The following CSMD1 variants were observed in gnomAD, a reference collection of about 807,000 sequenced individuals.
The protein encoded by CSMD1 is CUB and Sushi multiple domains 1.
CSMD1 carries 213 observed loss-of-function variants against 417.5 expected under a neutral mutation model. The observed-to-expected ratio is 0.51, with a 90% CI of 0.46 to 0.57. The LOEUF (loss-of-function observed/expected upper bound fraction) is 0.57. Ranked by LOEUF, CSMD1 falls within the 20% of genes least tolerant of loss-of-function variation. The probability of loss-of-function intolerance (pLI) is 0.00; values close to 1 mark genes in which losing one functional copy is unlikely to be tolerated. For missense variants in CSMD1, 6,923 were observed against 4,529.7 expected (o/e 1.53, Z -15.17); for synonymous variants, 2,862 against 1,736.8 (o/e 1.65, Z -16.11).
intron 3 of CSMD1, among the ~76,000 whole-genome samples, chr8:4,324,061 C>G (rs1253558999): frequency 6.6e-6 from 1 of 152,128 alleles, no homozygotes; most frequent in Non-Finnish European, 1.5e-5. Context: ...CAAATTTACC[C>G]GAGGCCAAGC....
At chr8:3,834,584 T>C (rs956992308) in intron 5 of CSMD1, among the ~76,000 whole-genome samples, 4 of 152,214 alleles carry the variant, frequency 2.6e-5, no homozygotes, top group Non-Finnish European at 1.5e-5. Flanking sequence ...ATTACAAATA[T>C]ATAAATGTAA....
intron 1 of CSMD1, among the ~76,000 whole-genome samples, chr8:4,881,491 G>T (rs527676252): frequency 6.8e-6 from 1 of 146,654 alleles, no homozygotes; most frequent in Admixed American, 6.8e-5. Context: ...ATAAACCCTT[G>T]CCTATAGAAT....
intron 5 of CSMD1, among the ~76,000 whole-genome samples, chr8:3,976,184 T>G (rs1813424579): frequency 6.6e-6 from 1 of 152,128 alleles, no homozygotes; most frequent in African/African-American, 2.4e-5. Flanking sequence ...CGAGATAACT[T>G]ATGCTTATTT....
chr8:4,023,386 G>A (rs1796884841), intron 4 of CSMD1, among the ~76,000 whole-genome samples: 1 of 152,140 alleles, frequency 6.6e-6, no homozygotes, highest in South Asian at 2.1e-4. Flanking sequence ...TGGTCCAAAT[G>A]TGAAACAAAA....
intron 49 of CSMD1, among the ~76,000 whole-genome samples, chr8:3,074,983 G>A (rs948135067): frequency 2.0e-5 from 3 of 152,138 alleles, no homozygotes; most frequent in African/African-American, 7.2e-5. Flanking sequence ...TCTCATGAAT[G>A]GCTTAGCACC....
intron 1 of CSMD1, among the ~76,000 whole-genome samples, chr8:4,924,281 A>G (rs946765567): frequency 5.9e-5 from 9 of 152,358 alleles, no homozygotes; most frequent in African/African-American, 2.2e-4. Context: ...GTATCATTTT[A>G]CTAAGATATT....
chr8:3,777,761 AGT>A (rs1288735823), intron 5 of CSMD1, among the ~76,000 whole-genome samples: 1,503 of 95,096 alleles, frequency 0.016, 40 homozygotes, highest in African/African-American at 0.07. Context: ...TGAAGTGCAG[AGT>A]CTCAGTTCCC....
intron 1 of CSMD1, among the ~76,000 whole-genome samples, chr8:4,948,358 T>C (rs1392393131): frequency 6.6e-6 from 1 of 152,102 alleles, no homozygotes; most frequent in East Asian, 1.9e-4. Context: ...GCACATTTTT[T>C]TCTTAGAATA....
At chr8:4,844,065 T>G (rs1182508757) in intron 1 of CSMD1, among the ~76,000 whole-genome samples, 1 of 152,212 alleles carries the variant, frequency 6.6e-6, no homozygotes. Flanking sequence ...ATGCCTCAGC[T>G]TTCTATCTTT....
intron 1 of CSMD1, among the ~76,000 whole-genome samples, chr8:4,659,034 G>A (rs1392105045): frequency 1.3e-5 from 2 of 151,936 alleles, no homozygotes; most frequent in Non-Finnish European, 2.9e-5. Flanking sequence ...AGTCAAAATG[G>A]TACACTACAA....
chr8:3,781,125 G>T (rs150162349), intron 5 of CSMD1, among the ~76,000 whole-genome samples: 4 of 152,260 alleles, frequency 2.6e-5, no homozygotes, highest in African/African-American at 9.6e-5. Context: ...AACACCTTCA[G>T]CTTTGGAGTT....
At chr8:4,493,445 C>T (rs1482132319) in intron 2 of CSMD1, among the ~76,000 whole-genome samples, 1 of 152,054 alleles carries the variant, frequency 6.6e-6, no homozygotes, top group East Asian at 1.9e-4. Flanking sequence ...CCTGTAATGC[C>T]AACACTTTGG....
chr8:4,384,210 C>T (rs987102219), intron 3 of CSMD1, among the ~76,000 whole-genome samples: 19 of 152,074 alleles, frequency 1.2e-4, no homozygotes, highest in Admixed American at 1.1e-3. Context: ...CACCACACTC[C>T]TATGATTTCA....
chr8:2,941,880 G>A (rs547362135), intron 69 of CSMD1, among the ~76,000 whole-genome samples: 1 of 152,144 alleles, frequency 6.6e-6, no homozygotes, highest in Non-Finnish European at 1.5e-5. Flanking sequence ...ACCTTCTAAA[G>A]GTTCTCATCG....
At chr8:3,711,425 T>G (rs546591473) in intron 6 of CSMD1, among the ~76,000 whole-genome samples, 1 of 152,156 alleles carries the variant, frequency 6.6e-6, no homozygotes. Context: ...GACAGTCACC[T>G]ATCCCAGGCT....
At chr8:4,035,139 TACA>T (rs1323559344) in intron 3 of CSMD1, among the ~76,000 whole-genome samples, 1 of 152,018 alleles carries the variant, frequency 6.6e-6, no homozygotes, top group Non-Finnish European at 1.5e-5. Context: ...ACGACTCATA[TACA>T]ACATCGGTCC....
In CSMD1 at chr8:3,259,647, A is replaced by T. The variant is rs142976575; in HGVS notation, c.4153+24497T>A. On this transcript the variant is annotated intron_variant, in intron 26 of 69. Transcript: ENST00000635120. ...CTCCTCGAGATTTTAATATGTATAC[A>T]AGTGAAATACTGGAGTTTCTACCCC... 7.9e-4 allele frequency among the ~76,000 whole-genome samples: 121 copies of T among 152,300 alleles called. 1 individual carries two copies. The highest frequency in any genetic ancestry group is 2.7e-3 in the African/African-American group (113 of 41,574).
At chr8:3,941,825 T>A (rs550290668) in intron 5 of CSMD1, among the ~76,000 whole-genome samples, 1 of 152,216 alleles carries the variant, frequency 6.6e-6, no homozygotes, top group South Asian at 2.1e-4. Flanking sequence ...AATAAAAATA[T>A]AGCGCAATTC....
At chr8:3,425,563 G>C (rs1238588274) in intron 12 of CSMD1, among the ~76,000 whole-genome samples, 1 of 147,904 alleles carries the variant, frequency 6.8e-6, no homozygotes, top group Non-Finnish European at 1.5e-5. Context: ...ACTCTGGCCT[G>C]GGAGAGAGAG....
Sources: allele counts gnomAD v4.1 joint callset (sites outside exome capture counted in the v4.1 genomes callset), GRCh38; gene constraint gnomAD v4.1.1; transcripts MANE v1.5; gene names NCBI Gene and HGNC (gene_info 2026-07-23, HGNC 2026-07-21).